The following TCF4 variants were observed in gnomAD, a reference collection of about 807,000 sequenced individuals.
TCF4 encodes transcription factor 4.
In TCF4, 3 loss-of-function variants were observed where a neutral mutation model predicts 82.1. That is an observed-to-expected ratio of 0.04 (90% CI 0.02 to 0.09). The LOEUF (loss-of-function observed/expected upper bound fraction) is 0.09. Ranked by LOEUF, TCF4 falls within the 10% of genes least tolerant of loss-of-function variation. TCF4 has a pLI of 1.00. For synonymous variants in TCF4, 276 were observed against 309.6 expected, an observed-to-expected ratio of 0.89 and a Z score of 1.14; for missense variants, 518 against 852.7, an observed-to-expected ratio of 0.61 and a Z score of 4.89.
intron 5 of TCF4, among the ~76,000 whole-genome samples, chr18:55,456,747 A>T (rs568363038): frequency 6.6e-6 from 1 of 152,280 alleles, no homozygotes; most frequent in East Asian, 1.9e-4. Context: ...TCTTGCCAGG[A>T]TTCTCAAACT....
chr18:55,480,793 C>T (rs1317251544), intron 3 of TCF4, among the ~76,000 whole-genome samples: 1 of 152,188 alleles, frequency 6.6e-6, no homozygotes, highest in Non-Finnish European at 1.5e-5. Flanking sequence ...TGTACAAAAT[C>T]TGGCATAGGC....
chr18:55,313,434 T>C (rs117716000), intron 8 of TCF4, among the ~76,000 whole-genome samples: 4,304 of 152,244 alleles, frequency 0.028, 108 homozygotes, highest in Non-Finnish European at 0.037. Context: ...TCTATTTCTT[T>C]GCAAACTCAA....
intron 4 of TCF4, among the ~76,000 whole-genome samples, chr18:55,463,514 AG>A (rs1313920573): frequency 1.3e-5 from 2 of 152,174 alleles, no homozygotes; most frequent in Non-Finnish European, 2.9e-5. Flanking sequence ...CAAAAAGTTG[AG>A]GGCAAATAAA....
intron 3 of TCF4, among the ~76,000 whole-genome samples, chr18:55,549,521 CACAA>C (rs1178704729): frequency 3.3e-5 from 5 of 152,060 alleles, no homozygotes; most frequent in East Asian, 1.9e-4. Flanking sequence ...AACTTCTTGT[CACAA>C]ACAAAGATGC....
chr18:55,269,729 A>T (rs933146860), intron 11 of TCF4, 102 bp downstream of exon 11: 39 of 1,415,758 alleles, frequency 2.8e-5, no homozygotes, highest in Non-Finnish European at 3.6e-5. Context: ...ACTAATATTT[A>T]GTGCCTAATT....
intron 14 of TCF4, among the ~76,000 whole-genome samples, chr18:55,255,862 C>CT (rs1409541020): frequency 6.6e-6 from 1 of 152,116 alleles, no homozygotes; most frequent in Non-Finnish European, 1.5e-5. Flanking sequence ...TTTGAATCGG[C>CT]TGTGCAAACA....
chr18:55,455,067 G>A (rs1051813524), intron 5 of TCF4, among the ~76,000 whole-genome samples: 5 of 150,698 alleles, frequency 3.3e-5, no homozygotes, highest in African/African-American at 4.9e-5. Context: ...TACACCTGTC[G>A]TCCCAGCTGC....
intron 5 of TCF4, among the ~76,000 whole-genome samples, chr18:55,437,817 T>C (rs2095360751): frequency 6.6e-6 from 1 of 152,186 alleles, no homozygotes; most frequent in Non-Finnish European, 1.5e-5. Context: ...TCAGGAGTCC[T>C]GGGCAGACAT....
At chr18:55,376,747 C>T (rs1189648808) in intron 6 of TCF4, among the ~76,000 whole-genome samples, 1 of 152,172 alleles carries the variant, frequency 6.6e-6, no homozygotes, top group South Asian at 2.1e-4. Flanking sequence ...TGTGTGGACA[C>T]CTATTTGATG....
intron 5 of TCF4, among the ~76,000 whole-genome samples, chr18:55,445,096 TTC>T (rs561643846): frequency 3.7e-4 from 56 of 152,338 alleles, no homozygotes; most frequent in Middle Eastern, 6.8e-3. Flanking sequence ...TTGCCTCCTA[TTC>T]ACAGTTGCTT....
intron 3 of TCF4, among the ~76,000 whole-genome samples, chr18:55,503,873 G>C (rs1232844554): frequency 6.6e-6 from 1 of 152,090 alleles, no homozygotes; most frequent in African/African-American, 2.4e-5. Flanking sequence ...CCAGGAATTC[G>C]AGACCAGCCT....
intron 5 of TCF4, among the ~76,000 whole-genome samples, chr18:55,439,870 G>A (rs1381060715): frequency 6.6e-6 from 1 of 152,076 alleles, no homozygotes; most frequent in Non-Finnish European, 1.5e-5. Context: ...CTACAGGCAC[G>A]TGCCACCACG....
intron 6 of TCF4, among the ~76,000 whole-genome samples, chr18:55,392,326 C>T (rs954333896): frequency 1.1e-4 from 16 of 151,794 alleles, no homozygotes; most frequent in Non-Finnish European, 1.6e-4. Flanking sequence ...GTTGTCAATA[C>T]TGCTACTACA....
At chr18:55,427,340 T>C (rs1417370879) in intron 5 of TCF4, among the ~76,000 whole-genome samples, 2 of 152,300 alleles carry the variant, frequency 1.3e-5, no homozygotes, top group East Asian at 1.9e-4. Context: ...GAGTGTCCAT[T>C]TTCTCATCTG....
At chr18:55,434,665 G>A (rs891014749) in intron 5 of TCF4, among the ~76,000 whole-genome samples, 3 of 150,862 alleles carry the variant, frequency 2.0e-5, no homozygotes, top group Non-Finnish European at 4.4e-5. Context: ...CTGACCTCAT[G>A]ATCTGCCCGC....
chr18:55,504,400 A>G (rs2096732143), intron 3 of TCF4, among the ~76,000 whole-genome samples: 1 of 152,246 alleles, frequency 6.6e-6, no homozygotes, highest in Admixed American at 6.5e-5. Context: ...AGGCTCTCCT[A>G]TGAAAATTAG....
intron 11 of TCF4, 86 bp downstream of exon 11, chr18:55,269,745 T>A: frequency 6.4e-7 from 1 of 1,551,066 alleles, no homozygotes; most frequent in Non-Finnish European, 8.9e-7. Context: ...TAATTGCTAT[T>A]CAGTTATGAA....
At chr18:55,584,744 A>C (rs2097619197) in intron 3 of TCF4, among the ~76,000 whole-genome samples, 1 of 152,178 alleles carries the variant, frequency 6.6e-6, no homozygotes, top group Non-Finnish European at 1.5e-5. Context: ...AAGCATCAAA[A>C]AGGGTATTTT....
At chr18:55,319,711 T>G (rs962727349) in intron 8 of TCF4, among the ~76,000 whole-genome samples, 1 of 152,082 alleles carries the variant, frequency 6.6e-6, no homozygotes, top group South Asian at 2.1e-4. Flanking sequence ...ACCAAAATAT[T>G]TGGCAACTGA....
Sources: allele counts gnomAD v4.1 joint callset (sites outside exome capture counted in the v4.1 genomes callset), GRCh38; gene constraint gnomAD v4.1.1; transcripts MANE v1.5; gene names NCBI Gene and HGNC (gene_info 2026-07-23, HGNC 2026-07-21).